The following ANTXRL variants were observed in gnomAD, a reference collection of about 807,000 sequenced individuals.
The protein encoded by ANTXRL is anthrax toxin receptor-like.
A neutral mutation model predicts 75.4 loss-of-function variants in ANTXRL; 63 were observed. That is an observed-to-expected ratio of 0.84 (90% CI 0.68 to 1.03). The LOEUF is 1.03. ANTXRL is among the 50% of genes least tolerant of loss of function. The pLI, the probability that ANTXRL is intolerant of heterozygous loss-of-function variation, is 0.00. For synonymous variants in ANTXRL, 335 were observed against 291.3 expected (o/e 1.15, Z -1.53); for missense variants, 797 against 789.4 (o/e 1.01, Z -0.12).
rs782424062 is a variant in ANTXRL, at chr10:46,293,840, G to A, written c.332G>A (p.Arg111Gln). 6 of 1,535,562 alleles carry A rather than the reference G, an allele frequency of 3.9e-6. No individual in the cohort carries two copies. Among genetic ancestry groups the A allele is most frequent in the Middle Eastern group, 1.7e-4 (1 of 5,982 alleles). Residue 111 changes from arginine (R) to glutamine (Q), a missense_variant, in exon 3 of 17, where the codon CGG becomes CAG. By Grantham distance (43) the Arg-to-Gln change is conservative. Coordinates refer to ENST00000620264, the MANE Select transcript of ANTXRL (RefSeq NM_001278688.3). ...TGATTCCTTCACAGCCCAAATATTCGGATGTGCTTCATCACCTACTCCACA... is the reference window on the plus strand; with the variant it reads ...TGATTCCTTCACAGCCCAAATATTCAGATGTGCTTCATCACCTACTCCACA... ...TVARFQSPNI[R>Q]MCFITYSTDG...
chr10:46,297,208 C>A, intron 5 of ANTXRL, 44 bp from the exon 6 acceptor site: 2 of 1,497,286 alleles, frequency 1.3e-6, no homozygotes, highest in South Asian at 2.4e-5. Flanking sequence ...GGAGGTCACT[C>A]CTGGTGCCTT....
chr10:46,297,132 A>T, intron 5 of ANTXRL, 120 bp from the exon 6 acceptor site: 1 of 785,654 alleles, frequency 1.3e-6, no homozygotes. Flanking sequence ...AGGTGGGGGC[A>T]CGTGGCCATG....
intron 16 of ANTXRL, among the ~76,000 whole-genome samples, chr10:46,326,812 G>A (rs1385280306): frequency 1.3e-5 from 2 of 152,110 alleles, no homozygotes; most frequent in African/African-American, 4.8e-5. Context: ...AAGGAAACGT[G>A]GAGAAAACAT....
chr10:46,317,511 A>G (rs972909118), intron 16 of ANTXRL, among the ~76,000 whole-genome samples: 4 of 152,196 alleles, frequency 2.6e-5, no homozygotes, highest in Admixed American at 1.3e-4. Flanking sequence ...CCTCCTGGCC[A>G]TATGCCCGTG....
intron 13 of ANTXRL, 47 bp from the exon 14 acceptor site, chr10:46,310,414 C>A: frequency 6.5e-7 from 1 of 1,528,086 alleles, no homozygotes; most frequent in Non-Finnish European, 8.8e-7. Context: ...AAGGCAGAGC[C>A]CGCCCACCCC....
intron 13 of ANTXRL, 32 bp from the exon 14 acceptor site, chr10:46,310,429 C>T: frequency 6.5e-7 from 1 of 1,535,646 alleles, no homozygotes; most frequent in South Asian, 1.2e-5. Flanking sequence ...CACCCCCATC[C>T]AGCCTGTGTT....
rs1554962698 is a variant in ANTXRL, at chr10:46,309,108, A to G, written c.1045-5A>G. On this transcript the variant is annotated splice_polypyrimidine_tract_variant and splice_region_variant and intron_variant, in intron 12 of 16. Coordinates refer to ENST00000620264, the MANE Select transcript of ANTXRL (RefSeq NM_001278688.3). ...CCCTCCTATGGTGCTCTCTTTCTCCACCAGGGCATTTTCCGCAACTGGCTC... is the reference window on the plus strand; with the variant it reads ...CCCTCCTATGGTGCTCTCTTTCTCCGCCAGGGCATTTTCCGCAACTGGCTC... 1.6e-5 allele frequency: 24 copies of G among 1,535,546 alleles called. No individual in the cohort carries two copies. The highest frequency in any genetic ancestry group is 2.4e-5 in the South Asian group (2 of 84,056).
chr10:46,290,574 C>G (rs1353691394), intron 1 of ANTXRL, among the ~76,000 whole-genome samples: 7 of 152,162 alleles, frequency 4.6e-5, no homozygotes, highest in Non-Finnish European at 7.3e-5. Flanking sequence ...TGCATTCCCA[C>G]CAACAAAAGC....
rs374209312 is a variant in ANTXRL, at chr10:46,305,662, G to T, written c.896-1141G>T. 1.2e-4 allele frequency among the ~76,000 whole-genome samples: 18 copies of T among 152,276 alleles called. No homozygotes were observed. In the South Asian group the frequency reaches 1.2e-3, roughly 11 times the overall value. On this transcript the variant is annotated intron_variant, in intron 10 of 16. Coordinates refer to ENST00000620264, the MANE Select transcript of ANTXRL (RefSeq NM_001278688.3). ...CACGCCCTCTCCCGCACTTCAGGAG[G>T]TGTGAAAAGGGTGTGGGCTCAGGAG...
Position 46,307,334 on chromosome 10 carries a change from T to C in ANTXRL, c.966-68T>C, listed in dbSNP as rs150517426. 4.2e-4 allele frequency: 473 copies of C among 1,130,506 alleles called. 3 individuals are homozygous for C. The highest frequency in any genetic ancestry group is 5.4e-4 in the Non-Finnish European group (419 of 777,670). The allele number at this position is 1,130,506 out of a possible 1,614,324, so 70.0% of individuals were successfully genotyped here. A position where few individuals can be genotyped will look rare whatever the true frequency, so the allele number is the denominator to read the frequency against. ...TTGGGGAATGACCTCTCATTACCCA[T>C]GCTGTCCAAGGGCAAGAACTGCATC... On this transcript the variant is annotated intron_variant, in intron 11 of 16. Transcript: ENST00000620264.
At chr10:46,292,637 G>A (rs1199217638) in intron 2 of ANTXRL, among the ~76,000 whole-genome samples, 2 of 152,134 alleles carry the variant, frequency 1.3e-5, no homozygotes, top group South Asian at 2.1e-4. Context: ...CTCAGGGAGG[G>A]CTGGGAGAGG....
At chr10:46,304,784 C>A (rs1301866048) in intron 10 of ANTXRL, among the ~76,000 whole-genome samples, 1 of 152,112 alleles carries the variant, frequency 6.6e-6, no homozygotes, top group Non-Finnish European at 1.5e-5. Context: ...GGAAAGCAGA[C>A]CCAGGCGATC....
chr10:46,305,542 A>G (rs1479498476), intron 10 of ANTXRL, among the ~76,000 whole-genome samples: 1 of 152,150 alleles, frequency 6.6e-6, no homozygotes, highest in African/African-American at 2.4e-5. Flanking sequence ...TAGGTTGGCT[A>G]TGCAGTTAAT....
At position 46,329,947 on chromosome 10, in the gene ANTXRL, A is replaced by T; in HGVS notation, c.1759A>T (p.Thr587Ser). The change falls in exon 17 of 17, where the codon ACC becomes TCC. Residue 587 changes from threonine (T) to serine (S), a missense_variant. Thr to Ser is a moderately conservative substitution (Grantham distance 58). This residue lies in a region of ANTXRL where 479 missense variants were observed against 422.0 expected (regional missense o/e 1.14). Transcript: ENST00000620264. The stretch of plus-strand genomic sequence containing the variant: ...ACCCAGCCGGGAGTGCCTCCCCCTC[A>T]CCTGCTCCTCCAGGTGCCGCCTCCC... ...LQPSRECLPL[T>S]CSSRCRLPPA... is the part of the protein sequence containing the mutation. 1 of 1,529,732 alleles carries T rather than the reference A, an allele frequency of 6.5e-7. No individual in the cohort carries two copies. The highest frequency in any genetic ancestry group is 8.7e-7 in the Non-Finnish European group (1 of 1,144,830). 94.8% of individuals were successfully genotyped at this position (1,529,732 alleles called of 1,614,324 possible).
intron 9 of ANTXRL, among the ~76,000 whole-genome samples, chr10:46,298,279 T>G (rs1242632508): frequency 6.6e-6 from 1 of 151,896 alleles, no homozygotes; most frequent in African/African-American, 2.4e-5. Context: ...TGGGAAGTTG[T>G]GCTGTGGGAG....
chr10:46,302,350 A>G (rs1313689706), intron 9 of ANTXRL, among the ~76,000 whole-genome samples: 1 of 152,134 alleles, frequency 6.6e-6, no homozygotes, highest in Non-Finnish European at 1.5e-5. Context: ...ACCTGACATC[A>G]GGGAGGGCCT....
intron 12 of ANTXRL, 56 bp from the exon 13 acceptor site, chr10:46,309,057 T>C (rs1326974778): frequency 6.5e-6 from 10 of 1,534,134 alleles, no homozygotes; most frequent in Non-Finnish European, 7.9e-6. Flanking sequence ...CACCAAGTGG[T>C]GGGCACGGGG....
intron 16 of ANTXRL, among the ~76,000 whole-genome samples, chr10:46,325,037 TA>T (rs1434805194): frequency 1.3e-5 from 2 of 152,122 alleles, no homozygotes; most frequent in Non-Finnish European, 2.9e-5. Context: ...GTTGGCTTTT[TA>T]AAGTAGGGTT....
chr10:46,314,723 A>T (rs1473742615), intron 16 of ANTXRL, among the ~76,000 whole-genome samples: 1 of 152,028 alleles, frequency 6.6e-6, no homozygotes, highest in African/African-American at 2.4e-5. Context: ...CACTGTCATC[A>T]TGTGAAGTCC....
Sources: gnomAD v4.1 joint callset for allele counts (sites outside exome capture counted in the v4.1 genomes callset) on GRCh38, gnomAD v4.1.1 for gene constraint, gnomAD v4.1.1 regional missense constraint, MANE v1.5 for transcripts, NCBI Gene and HGNC (gene_info 2026-07-23, HGNC 2026-07-21) for gene names.